The following ENOX1 variants were observed in gnomAD, a reference collection of about 807,000 sequenced individuals.
The protein encoded by ENOX1 is candidate growth-related and time keeping constitutive hydroquinone (NADH) oxidase.
Under a neutral mutation model 82.5 loss-of-function variants are expected in ENOX1, and 42 were observed. That is an observed-to-expected ratio of 0.51 (90% CI 0.40 to 0.66). The LOEUF is 0.66. Ranked by LOEUF, ENOX1 falls within the 30% of genes least tolerant of loss-of-function variation. The pLI is 0.00. For synonymous variants in ENOX1, 271 were observed against 282.2 expected (o/e 0.96, Z 0.40); for missense variants, 608 against 811.6 (o/e 0.75, Z 3.05).
chr13:43,601,329 CAA>C (rs1463956904), intron 2 of ENOX1, among the ~76,000 whole-genome samples: 1 of 151,984 alleles, frequency 6.6e-6, no homozygotes, highest in East Asian at 1.9e-4. Flanking sequence ...ATTAATTTAA[CAA>C]AGAGACTGAA....
intron 3 of ENOX1, among the ~76,000 whole-genome samples, chr13:43,438,150 G>A (rs1465715181): frequency 6.6e-6 from 1 of 152,214 alleles, no homozygotes; most frequent in African/African-American, 2.4e-5. Context: ...TCATGCTAAG[G>A]AGTTTAATTC....
intron 2 of ENOX1, among the ~76,000 whole-genome samples, chr13:43,573,886 TA>T (rs1461875449): frequency 7.2e-5 from 11 of 152,164 alleles, no homozygotes; most frequent in African/African-American, 2.7e-4. Flanking sequence ...TATCCAGCAT[TA>T]AAGGCTTTCC....
intron 2 of ENOX1, among the ~76,000 whole-genome samples, chr13:43,532,458 T>C (rs1378398718): frequency 6.6e-6 from 1 of 152,186 alleles, no homozygotes; most frequent in Non-Finnish European, 1.5e-5. Context: ...AATACTAAAA[T>C]GTTTTTTGCC....
At chr13:43,537,953 T>G (rs7139852) in intron 2 of ENOX1, among the ~76,000 whole-genome samples, 1 of 152,218 alleles carries the variant, frequency 6.6e-6, no homozygotes, top group East Asian at 1.9e-4. Context: ...ACAGGGTACT[T>G]AGCCTCTGTC....
At chr13:43,321,519 G>A (rs9567148) in intron 11 of ENOX1, among the ~76,000 whole-genome samples, 27,889 of 152,084 alleles carry the variant, frequency 0.18, 3,635 homozygotes, top group East Asian at 0.56. Context: ...TCTTGATTTT[G>A]GTTTCTTAAT....
Position 43,484,104 on chromosome 13 carries a change from CAAAGGAAGTCTCA to C in ENOX1, c.-183_-171del. The C allele has an allele frequency of 4.1e-6, 4 of 985,422 alleles. No individual in the cohort carries two copies. Among genetic ancestry groups the C allele is most frequent in the Non-Finnish European group, 2.4e-6 (2 of 829,912 alleles). 61.0% of individuals were successfully genotyped at this position (985,422 alleles called of 1,614,324 possible). ...AAGTCTTTTAAATGGATGCTCTTCA[CAAAGGAAGTCTCA>C]TGGAAGACAGCATGGTTCTGACATA... On this transcript the variant is annotated 5_prime_UTR_variant, in exon 3 of 17. An upstream start codon of the reference 5' UTR is lost. Transcript: ENST00000690772.
chr13:43,216,803 T>G (rs2041512278), intron 16 of ENOX1, among the ~76,000 whole-genome samples: 1 of 151,936 alleles, frequency 6.6e-6, no homozygotes, highest in African/African-American at 2.4e-5. Flanking sequence ...AAAGCTAAGT[T>G]TTTGAGGGTA....
intron 1 of ENOX1, among the ~76,000 whole-genome samples, chr13:43,705,031 T>C (rs1401582481): frequency 6.6e-6 from 1 of 152,086 alleles, no homozygotes; most frequent in Middle Eastern, 3.2e-3. Context: ...TATTGGATAT[T>C]ATCCAATAAT....
chr13:43,637,260 C>T (rs1335693838), intron 2 of ENOX1, among the ~76,000 whole-genome samples: 4 of 152,156 alleles, frequency 2.6e-5, no homozygotes, highest in Non-Finnish European at 4.4e-5. Flanking sequence ...TCAGAATCAA[C>T]TTACCAAGCC....
chr13:43,427,242 C>A (rs2055367560), intron 3 of ENOX1, among the ~76,000 whole-genome samples: 1 of 152,198 alleles, frequency 6.6e-6, no homozygotes, highest in South Asian at 2.1e-4. Flanking sequence ...GATGGAACCG[C>A]TGGGAAAATA....
At chr13:43,741,379 G>A (rs143715727) in intron 1 of ENOX1, among the ~76,000 whole-genome samples, 204 of 152,170 alleles carry the variant, frequency 1.3e-3, no homozygotes, top group Middle Eastern at 6.8e-3. Flanking sequence ...CACTGCGCCC[G>A]CCTGAACCTT....
intron 9 of ENOX1, among the ~76,000 whole-genome samples, chr13:43,338,688 T>G (rs1481936002): frequency 1.5e-5 from 2 of 136,128 alleles, no homozygotes; most frequent in South Asian, 2.6e-4. Context: ...TTTTTTTTTT[T>G]TTTTTTTTTT....
chr13:43,526,999 T>G (rs1434969262), intron 2 of ENOX1, among the ~76,000 whole-genome samples: 1 of 152,078 alleles, frequency 6.6e-6, no homozygotes, highest in Non-Finnish European at 1.5e-5. Flanking sequence ...TGCACTCTAT[T>G]GGAAGCAGAG....
intron 1 of ENOX1, among the ~76,000 whole-genome samples, chr13:43,736,534 G>T (rs2089640163): frequency 6.6e-6 from 1 of 152,168 alleles, no homozygotes; most frequent in Non-Finnish European, 1.5e-5. Flanking sequence ...CTGTCAAAAT[G>T]GTCATAAGAT....
At chr13:43,449,720 T>C (rs1236137828) in intron 3 of ENOX1, among the ~76,000 whole-genome samples, 1 of 152,170 alleles carries the variant, frequency 6.6e-6, no homozygotes, top group Non-Finnish European at 1.5e-5. Context: ...GTCCCTTTTA[T>C]GTTCTTTTAA....
intron 9 of ENOX1, among the ~76,000 whole-genome samples, chr13:43,335,852 T>C (rs1285306693): frequency 6.6e-6 from 1 of 152,146 alleles, no homozygotes; most frequent in Non-Finnish European, 1.5e-5. Context: ...TTTGGCATCC[T>C]GTGAAACAGA....
At chr13:43,369,990 C>T (rs531705727) in intron 5 of ENOX1, among the ~76,000 whole-genome samples, 1 of 152,350 alleles carries the variant, frequency 6.6e-6, no homozygotes, top group Non-Finnish European at 1.5e-5. Flanking sequence ...TATTTCTGTT[C>T]TTTCCCCTCT....
At chr13:43,488,341 A>G (rs527845321) in intron 2 of ENOX1, among the ~76,000 whole-genome samples, 13 of 152,330 alleles carry the variant, frequency 8.5e-5, no homozygotes, top group Middle Eastern at 3.4e-3. Context: ...ACACAGCAAT[A>G]TTCCCCTCCA....
chr13:43,291,353 G>T (rs964765384), intron 12 of ENOX1, among the ~76,000 whole-genome samples: 3 of 152,216 alleles, frequency 2.0e-5, no homozygotes, highest in Admixed American at 6.5e-5. Flanking sequence ...CTAGAACAGG[G>T]AAACAGAAAT....
Sources: gnomAD v4.1 joint callset for allele counts (sites outside exome capture counted in the v4.1 genomes callset) on GRCh38, gnomAD v4.1.1 for gene constraint, MANE v1.5 for transcripts, NCBI Gene and HGNC (gene_info 2026-07-23, HGNC 2026-07-21) for gene names.